The following FBN1 variants were observed in gnomAD, a reference collection of about 807,000 sequenced individuals.
FBN1 encodes fibrillin-1.
Under a neutral mutation model 365.1 loss-of-function variants are expected in FBN1, and 29 were observed. The observed-to-expected ratio is 0.08, with a 90% CI of 0.06 to 0.11. The LOEUF is 0.11. FBN1 is among the 10% of genes least tolerant of loss of function. The pLI is 1.00. For missense variants in FBN1, 2,476 were observed against 3,703.2 expected (o/e 0.67, Z 8.60); for synonymous variants, 1,210 against 1,270.5 (o/e 0.95, Z 1.01).
rs544406000 is a variant in FBN1 at position 48,577,754 on chromosome 15, T to C, written c.538+18529A>G. Among the ~76,000 whole-genome samples, 390 of 152,318 alleles carry C rather than the reference T, an allele frequency of 2.6e-3. 1 individual carries two copies. Among genetic ancestry groups the C allele is most frequent in the African/African-American group, 9.2e-3 (382 of 41,574 alleles). On this transcript the variant is annotated intron_variant, in intron 6 of 65. Transcript: ENST00000316623. The stretch of plus-strand genomic sequence containing the variant: ...CCATTTCTACTTTTTGTTTCATGTG[T>C]TGGTGACGTTCCATAATGCACGAAT...
At chr15:48,629,097 C>G (rs1020676331) in intron 2 of FBN1, among the ~76,000 whole-genome samples, 1 of 152,190 alleles carries the variant, frequency 6.6e-6, no homozygotes. Flanking sequence ...ACAAACTAGA[C>G]GTTACTAGTC....
chr15:48,459,840 G>A (rs1056753874), intron 43 of FBN1, among the ~76,000 whole-genome samples: 1 of 151,648 alleles, frequency 6.6e-6, no homozygotes, highest in Non-Finnish European at 1.5e-5. Context: ...ATCCACGAAA[G>A]GACTTTATGT....
chr15:48,480,423 G>A (rs541259498), intron 32 of FBN1, among the ~76,000 whole-genome samples: 14 of 152,120 alleles, frequency 9.2e-5, no homozygotes, highest in African/African-American at 2.4e-4. Flanking sequence ...CCGAGAGGCC[G>A]TATAGGAGTT....
At chr15:48,608,876 A>G (rs769487107) in intron 4 of FBN1, among the ~76,000 whole-genome samples, 2 of 152,004 alleles carry the variant, frequency 1.3e-5, no homozygotes, top group Non-Finnish European at 2.9e-5. Flanking sequence ...TCCACATCTC[A>G]TGATTTCTAC....
intron 36 of FBN1, 151 bp downstream of exon 36, chr15:48,470,483 C>T (rs1408626908): frequency 1.9e-6 from 2 of 1,030,486 alleles, no homozygotes; most frequent in Non-Finnish European, 2.9e-6. Context: ...CAATCAGTTC[C>T]AGGTCTGAGA....
chr15:48,536,031 G>T (rs1011295895), intron 7 of FBN1, among the ~76,000 whole-genome samples: 1 of 152,120 alleles, frequency 6.6e-6, no homozygotes, highest in Admixed American at 6.5e-5. Flanking sequence ...GAACCCATTT[G>T]CCCACAGCCC....
At chr15:48,582,710 T>TA (rs1566932009) in intron 6 of FBN1, among the ~76,000 whole-genome samples, 1 of 152,224 alleles carries the variant, frequency 6.6e-6, no homozygotes, top group African/African-American at 2.4e-5. Flanking sequence ...GTTTGACGCC[T>TA]AAACAAACCA....
intron 6 of FBN1, among the ~76,000 whole-genome samples, chr15:48,570,292 C>T (rs996697258): frequency 2.0e-5 from 3 of 152,154 alleles, no homozygotes; most frequent in Non-Finnish European, 4.4e-5. Flanking sequence ...AAGGATCAAA[C>T]CTGCGGTTAT....
At chr15:48,636,348 C>T (rs1890090921) in intron 2 of FBN1, among the ~76,000 whole-genome samples, 2 of 152,130 alleles carry the variant, frequency 1.3e-5, no homozygotes, top group African/African-American at 2.4e-5. Flanking sequence ...CAGGCAATGT[C>T]GAGGACATAT....
At chr15:48,432,027 A>G (rs2043026082) in intron 55 of FBN1, among the ~76,000 whole-genome samples, 1 of 152,176 alleles carries the variant, frequency 6.6e-6, no homozygotes, top group African/African-American at 2.4e-5. Context: ...TATATTATAT[A>G]TCTCAAATAT....
At chr15:48,565,880 C>T (rs947696663) in intron 6 of FBN1, among the ~76,000 whole-genome samples, 1 of 152,148 alleles carries the variant, frequency 6.6e-6, no homozygotes, top group Non-Finnish European at 1.5e-5. Flanking sequence ...TGAATAATGG[C>T]ATCTAATGCA....
At chr15:48,526,783 T>C (rs2043918576) in intron 8 of FBN1, among the ~76,000 whole-genome samples, 1 of 152,106 alleles carries the variant, frequency 6.6e-6, no homozygotes, top group African/African-American at 2.4e-5. Flanking sequence ...ATTATGATGG[T>C]CTTCTGTGGT....
Position 48,460,238 on chromosome 15 carries a change from T to A in FBN1, c.5296+8A>T, listed in dbSNP as rs904325621. On this transcript the variant is annotated splice_region_variant and intron_variant, in intron 43 of 65. Coordinates refer to ENST00000316623, the MANE Select transcript of FBN1 (RefSeq NM_000138.5). ...CCAGAAAGTTCTGACAATGCCGTCA[T>A]GACTCACCAACGGGTAAACCGGTAT... 4.3e-6 allele frequency: 7 copies of A among 1,611,018 alleles called. No individual in the cohort carries two copies. The highest frequency in any genetic ancestry group is 5.9e-6 in the Non-Finnish European group (7 of 1,177,286).
chr15:48,502,175 C>T (rs536892836), intron 17 of FBN1, among the ~76,000 whole-genome samples: 36 of 152,016 alleles, frequency 2.4e-4, no homozygotes, highest in Non-Finnish European at 4.3e-4. Context: ...GTTATAGGCG[C>T]GCACCACCAC....
intron 53 of FBN1, among the ~76,000 whole-genome samples, chr15:48,435,666 ATGTGTGTG>A (rs3074870): frequency 6.9e-6 from 1 of 145,540 alleles, no homozygotes; most frequent in Non-Finnish European, 1.5e-5. Context: ...GAGACCTAAA[ATGTGTGTG>A]TGTGTGTGTG....
At chr15:48,585,013 G>T (rs1351161088) in intron 6 of FBN1, among the ~76,000 whole-genome samples, 1 of 152,232 alleles carries the variant, frequency 6.6e-6, no homozygotes, top group Admixed American at 6.5e-5. Flanking sequence ...TTAGTTTAAA[G>T]AATATATCAT....
At chr15:48,585,461 T>C (rs2044428646) in intron 6 of FBN1, among the ~76,000 whole-genome samples, 1 of 152,224 alleles carries the variant, frequency 6.6e-6, no homozygotes, top group Non-Finnish European at 1.5e-5. Context: ...ACTACACTAA[T>C]ATTTCCATAT....
intron 44 of FBN1, among the ~76,000 whole-genome samples, chr15:48,453,896 A>C (rs2141257492): frequency 6.6e-6 from 1 of 152,320 alleles, no homozygotes; most frequent in African/African-American, 2.4e-5. Flanking sequence ...CCCACTTAGT[A>C]ATATTTATAA....
intron 2 of FBN1, chr15:48,643,693 A>G (rs1481720543): frequency 6.6e-6 from 1 of 152,160 alleles, no homozygotes. Context: ...CCCTATATAT[A>G]CTGTCTGAAT....
Sources: allele counts gnomAD v4.1 joint callset (sites outside exome capture counted in the v4.1 genomes callset), GRCh38; gene constraint gnomAD v4.1.1; transcripts MANE v1.5; gene names NCBI Gene and HGNC (gene_info 2026-07-23, HGNC 2026-07-21).